The following ABCC3 variants were observed in gnomAD, a reference collection of about 807,000 sequenced individuals.
ABCC3 encodes the protein ATP binding cassette subfamily C member 3.
Under a neutral mutation model 165.3 loss-of-function variants are expected in ABCC3, and 121 were observed. That is an observed-to-expected ratio of 0.73 (90% CI 0.63 to 0.85). The LOEUF is 0.85. Among genes scored for constraint, ABCC3 ranks in the 40% least tolerant of loss-of-function variants. ABCC3 has a pLI of 0.00. For missense variants in ABCC3, 1,869 were observed against 1,964.1 expected, an observed-to-expected ratio of 0.95 and a Z score of 0.92; for synonymous variants, 733 against 810.1, an observed-to-expected ratio of 0.90 and a Z score of 1.62.
Position 50,684,082 on chromosome 17 carries a change from G to A in ABCC3, c.4088G>A (p.Arg1363His), listed in dbSNP as rs370830587. Reference protein sequence around the residue: ...NVADIGLHDLRSQLTIIPQDP... With the variant: ...NVADIGLHDLHSQLTIIPQDP... ...GCAGACATCGGCCTCCATGACCTGC[G>A]CTCTCAGCTGACCATCATCCCGCAG... Residue 1363 changes from arginine to histidine, a missense_variant, in exon 28 of 31, where the codon CGC becomes CAC. By Grantham distance (29) the Arg-to-His change is conservative. Transcript: ENST00000285238. The A allele has an allele frequency of 5.6e-6, 9 of 1,613,136 alleles. No individual in the cohort carries two copies. Among genetic ancestry groups the A allele is most frequent in the East Asian group, 2.2e-5 (1 of 44,832 alleles).
chr17:50,651,294 T>C (rs1483744147), intron 1 of ABCC3, among the ~76,000 whole-genome samples: 1 of 152,158 alleles, frequency 6.6e-6, no homozygotes, highest in African/African-American at 2.4e-5. Flanking sequence ...AAAAATAAAC[T>C]GTAAAGGAGG....
At chr17:50,640,966 G>A (rs1281337367) in intron 1 of ABCC3, among the ~76,000 whole-genome samples, 2 of 152,188 alleles carry the variant, frequency 1.3e-5, no homozygotes, top group African/African-American at 4.8e-5. Flanking sequence ...GCCCTGCAGT[G>A]GTGGCTTCCT....
In ABCC3 at chr17:50,661,328, G is replaced by A. The variant is rs192444032; in HGVS notation, c.998+214G>A. Among the ~76,000 whole-genome samples the A allele has an allele frequency of 2.8e-3, 433 of 152,306 alleles. 1 individual carries two copies. Among genetic ancestry groups the A allele is most frequent in the Non-Finnish European group, 4.6e-3 (314 of 68,030 alleles). On this transcript the variant is annotated intron_variant, in intron 8 of 30. Transcript: ENST00000285238. The stretch of plus-strand genomic sequence containing the variant: ...AATTGCTGTGCATATACTATGTGCC[G>A]GGCACCGTGGTGTGTACGTTAACAA...
rs750415588 is a variant in ABCC3, at chr17:50,661,055, C to G, written c.939C>G (p.Ile313Met). The G allele has an allele frequency of 1.9e-6, 3 of 1,614,220 alleles. No homozygotes were observed. Among genetic ancestry groups the G allele is most frequent in the Non-Finnish European group, 2.5e-6 (3 of 1,180,028 alleles). The part of the protein sequence containing the change: ...LLATFGSSFL[I>M]SACFKLIQDL... ...CCACCTTCGGCTCCAGCTTCCTCATCAGTGCCTGCTTCAAGCTTATCCAGG... is the reference window on the plus strand; with the variant it reads ...CCACCTTCGGCTCCAGCTTCCTCATGAGTGCCTGCTTCAAGCTTATCCAGG... The change falls in exon 8 of 31, where the codon ATC becomes ATG. Residue 313 changes from isoleucine (I) to methionine (M), a missense_variant. Ile to Met is a conservative substitution (Grantham distance 10). Transcript: ENST00000285238.
At position 50,675,693 on chromosome 17, in the gene ABCC3, TG is replaced by T; in HGVS notation, c.2780del (p.Gly927ValfsTer8). 1 of 1,571,448 alleles carries T rather than the reference TG, an allele frequency of 6.4e-7. No homozygotes were observed. Among genetic ancestry groups the T allele is most frequent in the Non-Finnish European group, 8.6e-7 (1 of 1,158,290 alleles). On this transcript the variant is annotated frameshift_variant, in exon 21 of 31. Transcript: ENST00000285238. LOFTEE classifies it high-confidence loss of function. ...GQGRPVPRRH[L>X]GPSEKVQVTE... Reference sequence around the variant, plus strand: ...GGTCGGCCTGTACCCCGGAGGCACCTGGGTCCATCAGAGAAGGTGCAGGTGA... The same window carrying T: ...GGTCGGCCTGTACCCCGGAGGCACCTGGTCCATCAGAGAAGGTGCAGGTGA...
At chr17:50,678,354 A>G (rs947556306) in intron 25 of ABCC3, 135 bp downstream of exon 25, 42 of 378,068 alleles carry the variant, frequency 1.1e-4, no homozygotes, top group Non-Finnish European at 1.4e-4. Flanking sequence ...GGACTGTGAG[A>G]AAAAAAAAAA....
chr17:50,648,369 A>C (rs1967045474), intron 1 of ABCC3, among the ~76,000 whole-genome samples: 1 of 152,174 alleles, frequency 6.6e-6, no homozygotes. Context: ...TGCTAGGAGA[A>C]TGCATAAGGA....
chr17:50,656,655 G>A (rs750312553), intron 2 of ABCC3, 47 bp from the exon 3 acceptor site: 25 of 1,581,938 alleles, frequency 1.6e-5, no homozygotes, highest in Non-Finnish European at 2.6e-6. Flanking sequence ...AGTGAGGACT[G>A]TCCTTGCCTC....
chr17:50,680,950 C>G (rs150008253), intron 26 of ABCC3, among the ~76,000 whole-genome samples: 358 of 152,250 alleles, frequency 2.4e-3, no homozygotes, highest in African/African-American at 7.7e-3. Context: ...GTGGTGCACA[C>G]CTGTATTCCC....
At chr17:50,687,200 T>G in intron 29 of ABCC3, 1 of 297,992 alleles carries the variant, frequency 3.4e-6, no homozygotes, top group Non-Finnish European at 6.3e-6. Flanking sequence ...CTTACTAAGG[T>G]GTAAATGGCT....
At chr17:50,661,207 C>T in intron 8 of ABCC3, 93 bp downstream of exon 8, 1 of 1,335,592 alleles carries the variant, frequency 7.5e-7, no homozygotes, top group East Asian at 2.4e-5. Context: ...GTGAAAAGAA[C>T]CCCAGACCAG....
chr17:50,665,300 G>A, intron 11 of ABCC3, 55 bp downstream of exon 11: 2 of 1,558,438 alleles, frequency 1.3e-6, no homozygotes, highest in Non-Finnish European at 1.8e-6. Context: ...CGGCTGCCTG[G>A]GGGAAGGTGT....
intron 30 of ABCC3, 92 bp from the exon 31 acceptor site, chr17:50,691,000 G>T: frequency 1.1e-6 from 1 of 948,246 alleles, no homozygotes; most frequent in East Asian, 2.5e-5. Context: ...ATGTCACTGT[G>T]GGCCTGAGCA....
intron 13 of ABCC3, among the ~76,000 whole-genome samples, 156 bp from the exon 14 acceptor site, chr17:50,668,274 G>A (rs1341931835): frequency 2.0e-5 from 3 of 152,142 alleles, no homozygotes; most frequent in African/African-American, 7.2e-5. Flanking sequence ...TTGGGCAGTG[G>A]GAGCCATGGA....
chr17:50,667,999 A>G lies in ABCC3; in HGVS notation c.1772A>G (p.Asn591Ser), dbSNP rs758726938. 8.1e-6 allele frequency: 13 copies of G among 1,613,956 alleles called. No individual in the cohort carries two copies. The highest frequency in any genetic ancestry group is 8.0e-5 in the African/African-American group (6 of 74,908). ...AACATGCTGCCCCAGTTAATCAGCAACCTGACTCAGGTAACCCTGGGTAGG... is the reference window on the plus strand; with the variant it reads ...AACATGCTGCCCCAGTTAATCAGCAGCCTGACTCAGGTAACCCTGGGTAGG... ...PLNMLPQLIS[N>S]LTQASVSLKR... The change falls in exon 13 of 31, where the codon AAC becomes AGC. Residue 591 changes from asparagine to serine, a missense_variant. Physicochemically the swap from Asn to Ser is conservative, Grantham distance 46. Coordinates refer to ENST00000285238, the MANE Select transcript of ABCC3 (RefSeq NM_003786.4).
intron 25 of ABCC3, 128 bp from the exon 26 acceptor site, chr17:50,679,670 C>A: frequency 1.2e-6 from 1 of 820,086 alleles, no homozygotes; most frequent in Non-Finnish European, 2.0e-6. Flanking sequence ...TTGATCCAGG[C>A]CCACCTGGGT....
chr17:50,672,993 A>G lies in ABCC3; in HGVS notation c.2264A>G (p.Gln755Arg). 1.2e-6 allele frequency: 2 copies of G among 1,613,666 alleles called. No individual in the cohort carries two copies. The highest frequency in any genetic ancestry group is 1.7e-6 in the Non-Finnish European group (2 of 1,179,888). Reference protein sequence around the residue: ...GEKGINLSGGQRQRVSLARAV... With the variant: ...GEKGINLSGGRRQRVSLARAV... ...CAGGGCATTAACCTGTCTGGGGGCC[A>G]GCGGCAGCGGGTCAGTCTGGCTCGA... Residue 755 changes from glutamine (Q) to arginine (R), a missense_variant, in exon 18 of 31, where the codon CAG (glutamine) becomes CGG (arginine). Physicochemically the swap from Gln to Arg is conservative, Grantham distance 43. Coordinates refer to ENST00000285238, the MANE Select transcript of ABCC3 (RefSeq NM_003786.4).
chr17:50,648,924 G>T (rs1295873780), intron 1 of ABCC3, among the ~76,000 whole-genome samples: 1 of 136,230 alleles, frequency 7.3e-6, no homozygotes, highest in Non-Finnish European at 1.6e-5. Flanking sequence ...AGACCAGCCT[G>T]GCCAACATGG....
rs188344711 is a variant in ABCC3 at position 50,669,411 on chromosome 17, C to A, written c.2124C>A (p.Asn708Lys). 7 of 1,614,258 alleles carry A rather than the reference C, an allele frequency of 4.3e-6. No homozygotes were observed. In the African/African-American group the frequency reaches 5.3e-5, roughly 12 times the overall value. ...AWIQNCTLQE[N>K]VLFGKALNPK... ...TCCAGAACTGCACTCTTCAGGAAAACGTGCTTTTCGGCAAAGCCCTGAACC... is the reference window on the plus strand; with the variant it reads ...TCCAGAACTGCACTCTTCAGGAAAAAGTGCTTTTCGGCAAAGCCCTGAACC... Residue 708 changes from asparagine (N) to lysine (K), a missense_variant, in exon 17 of 31, where the codon AAC (asparagine) becomes AAA (lysine). Physicochemically the swap from Asn to Lys is moderately conservative, Grantham distance 94. Transcript: ENST00000285238.
Sources: gnomAD v4.1 joint callset for allele counts (sites outside exome capture counted in the v4.1 genomes callset) on GRCh38, gnomAD v4.1.1 for gene constraint, MANE v1.5 for transcripts, NCBI Gene and HGNC (gene_info 2026-07-23, HGNC 2026-07-21) for gene names.